LDLRAD4: variants seen among roughly 807,000 people sequenced by gnomAD.
The protein encoded by LDLRAD4 is low-density lipoprotein receptor class A domain-containing protein 4.
LDLRAD4 carries 5 observed loss-of-function variants against 17.0 expected under a neutral mutation model. That is an observed-to-expected ratio of 0.29 (90% CI 0.15 to 0.62). The LOEUF is 0.62. Ranked by LOEUF, LDLRAD4 falls within the 20% of genes least tolerant of loss-of-function variation. The pLI is 0.84. For missense variants in LDLRAD4, 340 were observed against 424.7 expected, an observed-to-expected ratio of 0.80 and a Z score of 1.75; for synonymous variants, 168 against 171.8, an observed-to-expected ratio of 0.98 and a Z score of 0.17.
chr18:13,538,529 GA>G (rs367572684), intron 3 of LDLRAD4, among the ~76,000 whole-genome samples: 12,925 of 144,478 alleles, frequency 0.089, 780 homozygotes, highest in East Asian at 0.27. Context: ...TGATGTCTAT[GA>G]TTTTTTTTTT....
chr18:13,516,334 G>A (rs920102202), intron 3 of LDLRAD4, among the ~76,000 whole-genome samples: 2 of 152,184 alleles, frequency 1.3e-5, no homozygotes, highest in African/African-American at 4.8e-5. Context: ...GATCTCTTCC[G>A]GGTGTCCTAG....
chr18:13,369,046 G>A (rs1026879310), intron 1 of LDLRAD4, among the ~76,000 whole-genome samples: 1 of 152,218 alleles, frequency 6.6e-6, no homozygotes, highest in Non-Finnish European at 1.5e-5. Context: ...GTCATTGTCC[G>A]TGTGTGTCAG....
exon 6 of LDLRAD4, chr18:13,652,644 AG>A (rs1343995392): frequency 6.6e-6 from 1 of 152,654 alleles, no homozygotes; most frequent in African/African-American, 2.4e-5. Context: ...TTTTAAAGAA[AG>A]ATGTTGCTCT....
chr18:13,284,240 A>G (rs1332904532), intron 1 of LDLRAD4, among the ~76,000 whole-genome samples: 2 of 152,144 alleles, frequency 1.3e-5, no homozygotes, highest in Non-Finnish European at 2.9e-5. Context: ...TGGTGGGAAC[A>G]CCACTTTCAG....
At chr18:13,249,938 A>G (rs545677425) in intron 1 of LDLRAD4, among the ~76,000 whole-genome samples, 4 of 152,296 alleles carry the variant, frequency 2.6e-5, no homozygotes, top group South Asian at 4.1e-4. Flanking sequence ...GGTGACAGGT[A>G]GGGGTCTAGT....
At chr18:13,381,566 G>T (rs2085368034) in intron 1 of LDLRAD4, among the ~76,000 whole-genome samples, 1 of 152,216 alleles carries the variant, frequency 6.6e-6, no homozygotes. Context: ...ACGGCTGGCT[G>T]CCTGGAGGCA....
In LDLRAD4 at chr18:13,584,376, C is replaced by T. The variant is rs1386678385; in HGVS notation, c.182-36741C>T. ...ACTCTCTCTTCTTCCCACTGCTTGG[C>T]GCTTCCTCTCCTCTCCTGAGCTGAG... On this transcript the variant is annotated intron_variant, in intron 3 of 5. Coordinates refer to ENST00000359446, the Ensembl canonical transcript of LDLRAD4. Among the ~76,000 whole-genome samples the T allele has an allele frequency of 5.3e-5, 8 of 152,320 alleles. No homozygotes were observed. The South Asian group carries it at 6.2e-4, about 12-fold the overall frequency.
At chr18:13,569,399 GA>G (rs1420180217) in intron 3 of LDLRAD4, among the ~76,000 whole-genome samples, 1 of 152,196 alleles carries the variant, frequency 6.6e-6, no homozygotes, top group Non-Finnish European at 1.5e-5. Context: ...AAGCCAATTA[GA>G]AATGAATTTT....
intron 1 of LDLRAD4, among the ~76,000 whole-genome samples, chr18:13,363,386 G>A (rs994215732): frequency 1.1e-4 from 16 of 150,444 alleles, no homozygotes; most frequent in Non-Finnish European, 1.8e-4. Context: ...AGGTGGGCAG[G>A]CTTCATGTTG....
intron 1 of LDLRAD4, among the ~76,000 whole-genome samples, chr18:13,243,232 A>G (rs2042757248): frequency 6.6e-6 from 1 of 152,220 alleles, no homozygotes; most frequent in South Asian, 2.1e-4. Flanking sequence ...CTTGGAGGTG[A>G]GAGCCAAGGA....
At chr18:13,555,542 C>T (rs146621308) in intron 3 of LDLRAD4, among the ~76,000 whole-genome samples, 4 of 106,952 alleles carry the variant, frequency 3.7e-5, no homozygotes, top group African/African-American at 1.1e-4. Flanking sequence ...ATTTTCAGAT[C>T]ACTGTTTTCA....
chr18:13,389,974 C>A (rs1336447893), intron 2 of LDLRAD4, among the ~76,000 whole-genome samples: 1 of 151,580 alleles, frequency 6.6e-6, no homozygotes, highest in Non-Finnish European at 1.5e-5. Flanking sequence ...TAGCTCCTCC[C>A]CAGCTCACGT....
intron 1 of LDLRAD4, among the ~76,000 whole-genome samples, chr18:13,266,865 G>C (rs953598176): frequency 5.3e-5 from 8 of 152,244 alleles, no homozygotes; most frequent in Admixed American, 2.6e-4. Context: ...GAAATGAACA[G>C]AATTCTGAGT....
chr18:13,339,925 C>G (rs2082287106), intron 1 of LDLRAD4, among the ~76,000 whole-genome samples: 1 of 152,048 alleles, frequency 6.6e-6, no homozygotes, highest in Non-Finnish European at 1.5e-5. Flanking sequence ...ACTTCATATC[C>G]ATTAAACACT....
intron 3 of LDLRAD4, chr18:13,486,947 A>G (rs2093240053): frequency 6.6e-6 from 1 of 152,122 alleles, no homozygotes; most frequent in Non-Finnish European, 1.5e-5. Flanking sequence ...TGCCGGTCCC[A>G]CACGCACCCC....
intron 3 of LDLRAD4, among the ~76,000 whole-genome samples, chr18:13,567,127 G>A (rs1242721769): frequency 6.6e-6 from 1 of 152,184 alleles, no homozygotes; most frequent in Non-Finnish European, 1.5e-5. Context: ...GGTTGCTCTG[G>A]TTTGCCTTGG....
chr18:13,601,253 A>G (rs1241798910), intron 3 of LDLRAD4, among the ~76,000 whole-genome samples: 2 of 152,232 alleles, frequency 1.3e-5, no homozygotes, highest in Non-Finnish European at 2.9e-5. Flanking sequence ...TCCAAAATCT[A>G]TGAGGAATGT....
upstream of LDLRAD4, among the ~76,000 whole-genome samples, chr18:13,276,210 G>A (rs1321718323): frequency 1.3e-5 from 2 of 152,050 alleles, no homozygotes; most frequent in Admixed American, 1.3e-4. Context: ...GGGTTTCACT[G>A]TGTTGGCCAG....
intron 3 of LDLRAD4, among the ~76,000 whole-genome samples, chr18:13,606,179 A>G (rs369681671): frequency 1.4e-4 from 21 of 152,338 alleles, no homozygotes; most frequent in African/African-American, 4.3e-4. Context: ...ACTGGCCTCT[A>G]TAAAAACTTT....
Sources: gnomAD v4.1 joint callset for allele counts (sites outside exome capture counted in the v4.1 genomes callset) on GRCh38, gnomAD v4.1.1 for gene constraint, MANE v1.5 for transcripts, NCBI Gene and HGNC (gene_info 2026-07-23, HGNC 2026-07-21) for gene names.